PITX3: variants seen among roughly 807,000 people sequenced by gnomAD.
PITX3 encodes the protein paired like homeodomain 3.
A neutral mutation model predicts 14.2 loss-of-function variants in PITX3; 4 were observed. The observed-to-expected ratio is 0.28, with a 90% CI of 0.14 to 0.65. The LOEUF (loss-of-function observed/expected upper bound fraction) is 0.65, where lower values mean the gene tolerates loss of function less well. Among genes scored for constraint, PITX3 ranks in the 30% least tolerant of loss-of-function variants. The probability of loss-of-function intolerance (pLI) is 0.82; values close to 1 mark genes in which losing one functional copy is unlikely to be tolerated. For synonymous variants in PITX3, 194 were observed against 204.5 expected, an observed-to-expected ratio of 0.95 and a Z score of 0.44; for missense variants, 358 against 426.8, an observed-to-expected ratio of 0.84 and a Z score of 1.42.
At chr10:102,232,474 G>C (rs1281687418) in intron 1 of PITX3, among the ~76,000 whole-genome samples, 2 of 152,294 alleles carry the variant, frequency 1.3e-5, no homozygotes, top group East Asian at 3.9e-4. Flanking sequence ...CCTGAGGTCA[G>C]GAGTTCGAGA....
chr10:102,231,940 C>T, intron 2 of PITX3, 23 bp downstream of exon 2: 2 of 1,588,898 alleles, frequency 1.3e-6, no homozygotes, highest in Admixed American at 3.3e-5. Context: ...ATGTCCTGCA[C>T]CCCCGGAAGG....
At chr10:102,232,559 G>A (rs2133800704) in intron 1 of PITX3, among the ~76,000 whole-genome samples, 1 of 152,258 alleles carries the variant, frequency 6.6e-6, no homozygotes, top group East Asian at 1.9e-4. Context: ...GCACGTGCCT[G>A]TAATCTCAGC....
At chr10:102,233,869 CCTT>C (rs1294065777) in intron 1 of PITX3, among the ~76,000 whole-genome samples, 38 of 152,320 alleles carry the variant, frequency 2.5e-4, no homozygotes, top group African/African-American at 8.9e-4. Flanking sequence ...CTCCCAGGGT[CCTT>C]CTCCAAGTTT....
intron 1 of PITX3, among the ~76,000 whole-genome samples, chr10:102,239,400 C>T (rs1356409462): frequency 1.3e-5 from 2 of 152,236 alleles, no homozygotes; most frequent in Admixed American, 6.5e-5. Context: ...GACACAGAGT[C>T]CTTCATTTCA....
intron 1 of PITX3, among the ~76,000 whole-genome samples, chr10:102,233,662 CA>C (rs1481988830): frequency 6.6e-6 from 1 of 152,142 alleles, no homozygotes; most frequent in Non-Finnish European, 1.5e-5. Flanking sequence ...AGATCAAACA[CA>C]AGTATAAAAA....
chr10:102,239,102 C>T (rs923501512), intron 1 of PITX3, among the ~76,000 whole-genome samples: 1 of 152,176 alleles, frequency 6.6e-6, no homozygotes, highest in African/African-American at 2.4e-5. Flanking sequence ...CATCCTGTCT[C>T]ACCTTCCAGA....
chr10:102,236,461 A>T (rs1314941741), intron 1 of PITX3, among the ~76,000 whole-genome samples: 1 of 152,194 alleles, frequency 6.6e-6, no homozygotes, highest in East Asian at 1.9e-4. Context: ...GCCCAGTCCC[A>T]CTGGTATCAG....
intron 1 of PITX3, among the ~76,000 whole-genome samples, chr10:102,238,263 C>A (rs2070452942): frequency 6.6e-6 from 1 of 152,140 alleles, no homozygotes; most frequent in Non-Finnish European, 1.5e-5. Flanking sequence ...GTCTAGGAGG[C>A]ATCATTTAGT....
chr10:102,234,668 C>G (rs186523907), intron 1 of PITX3, among the ~76,000 whole-genome samples: 1 of 152,202 alleles, frequency 6.6e-6, no homozygotes, highest in East Asian at 1.9e-4. Flanking sequence ...ACCCAAGATG[C>G]CCTTGAAATG....
intron 1 of PITX3, among the ~76,000 whole-genome samples, chr10:102,240,650 G>A (rs1354537366): frequency 1.3e-5 from 2 of 152,140 alleles, no homozygotes; most frequent in African/African-American, 4.8e-5. Context: ...TGTCCGCTCC[G>A]AGCCCCATGC....
chr10:102,232,636 G>T (rs181971745), intron 1 of PITX3, among the ~76,000 whole-genome samples: 1 of 152,238 alleles, frequency 6.6e-6, no homozygotes, highest in East Asian at 1.9e-4. Flanking sequence ...GAGCCGAGAT[G>T]GTGCTACTGC....
At chr10:102,238,617 T>G (rs961500045) in intron 1 of PITX3, among the ~76,000 whole-genome samples, 15 of 152,228 alleles carry the variant, frequency 9.9e-5, no homozygotes, top group Non-Finnish European at 1.8e-4. Context: ...AGCTTGGGCA[T>G]AATAATAGCA....
chr10:102,232,109 A>C lies in PITX3; in HGVS notation c.-12-17T>G. 1 of 1,416,628 alleles carries C rather than the reference A, an allele frequency of 7.1e-7. No homozygotes were observed. Among genetic ancestry groups the C allele is most frequent in the Non-Finnish European group, 9.8e-7 (1 of 1,018,816 alleles). The allele number at this position is 1,416,628 out of a possible 1,614,324, so 87.8% of individuals were successfully genotyped here. A position where few individuals can be genotyped will look rare whatever the true frequency, so the allele number is the denominator to read the frequency against. On this transcript the variant is annotated splice_polypyrimidine_tract_variant and intron_variant, in intron 1 of 3. Coordinates refer to ENST00000370002, the MANE Select transcript of PITX3 (RefSeq NM_005029.4). ...GGGAGGGCTCTGGAGGCGAGAGAAG[A>C]CACAGACCAGGGTAATGGGGGTAAA...
At chr10:102,234,936 C>T (rs772372519) in intron 1 of PITX3, among the ~76,000 whole-genome samples, 4 of 152,162 alleles carry the variant, frequency 2.6e-5, no homozygotes, top group Non-Finnish European at 4.4e-5. Context: ...GGCCAGAAAG[C>T]CGAGTTCAGG....
At chr10:102,231,459 GC>G in intron 3 of PITX3, 128 bp downstream of exon 3, 2 of 657,628 alleles carry the variant, frequency 3.0e-6, no homozygotes, top group Non-Finnish European at 5.2e-6. Flanking sequence ...TGGGGCTGCG[GC>G]CGGGAGCCAG....
intron 1 of PITX3, among the ~76,000 whole-genome samples, chr10:102,237,339 A>G (rs758419694): frequency 3.3e-5 from 5 of 152,172 alleles, no homozygotes; most frequent in African/African-American, 4.8e-5. Flanking sequence ...GAGAAGGGGT[A>G]TGGCATTCTA....
chr10:102,232,185 G>C (rs1184608257), intron 1 of PITX3, 93 bp from the exon 2 acceptor site: 1 of 742,664 alleles, frequency 1.3e-6, no homozygotes, highest in Non-Finnish European at 2.3e-6. Flanking sequence ...ATTCCCTGGC[G>C]CCTTTCTCAA....
intron 1 of PITX3, among the ~76,000 whole-genome samples, chr10:102,234,990 C>T (rs929151578): frequency 2.0e-5 from 3 of 152,184 alleles, no homozygotes; most frequent in East Asian, 3.8e-4. Context: ...CAGACACACA[C>T]AGGCCCCCAC....
Position 102,230,373 on chromosome 10 carries a change from T to G in PITX3, c.*141A>C. The G allele has an allele frequency of 7.7e-7, 1 of 1,305,426 alleles. No individual in the cohort carries two copies. The allele number at this position is 1,305,426 out of a possible 1,614,324, so 80.9% of individuals were successfully genotyped here. ...CCTCAGGGCTGGGAGGGGAAGGCCC[T>G]CTCCTGAGCCGGTGCCCCCCAGCTG... On this transcript the variant is annotated 3_prime_UTR_variant, in exon 4 of 4. Coordinates refer to ENST00000370002, the MANE Select transcript of PITX3 (RefSeq NM_005029.4).
Sources: allele counts gnomAD v4.1 joint callset (sites outside exome capture counted in the v4.1 genomes callset), GRCh38; gene constraint gnomAD v4.1.1; transcripts MANE v1.5; gene names NCBI Gene and HGNC (gene_info 2026-07-23, HGNC 2026-07-21).